Variants in PFKL observed in about 807,000 individuals in gnomAD.
PFKL encodes phosphofructokinase, liver type.
Under a neutral mutation model 92.1 loss-of-function variants are expected in PFKL, and 74 were observed. The ratio of observed to expected loss-of-function variants is 0.80; its 90% CI spans 0.67 to 0.97. The LOEUF (loss-of-function observed/expected upper bound fraction) is 0.97, where lower values mean the gene tolerates loss of function less well. Among genes scored for constraint, PFKL ranks in the 50% least tolerant of loss-of-function variants. The pLI is 0.00. For synonymous variants in PFKL, 494 were observed against 456.4 expected (o/e 1.08, Z -1.05); for missense variants, 1,028 against 1,116.6 (o/e 0.92, Z 1.13).
intron 18 of PFKL, 47 bp downstream of exon 18, chr21:44,324,964 G>C (rs772323846): frequency 6.5e-7 from 1 of 1,538,334 alleles, no homozygotes; most frequent in Non-Finnish European, 8.9e-7. Context: ...TCCAACTCTC[G>C]GGGCTGGGGT....
chr21:44,319,034 C>T (rs898137565), intron 10 of PFKL, among the ~76,000 whole-genome samples: 6 of 150,348 alleles, frequency 4.0e-5, no homozygotes, highest in South Asian at 4.3e-4. Flanking sequence ...GCGAGGGGGC[C>T]GGGTGTGGGG....
rs763170911 is a variant in PFKL at position 44,318,472 on chromosome 21, C to T, written c.939C>T (p.Ser313=). The T allele has an allele frequency of 5.2e-6, 8 of 1,542,006 alleles. No homozygotes were observed. In the Admixed American group the frequency reaches 5.5e-5, roughly 11 times the overall value. The stretch of plus-strand genomic sequence containing the variant: ...CCAGCCTGAACCCTTCCCCACAGAG[C>T]AGCAAGATGGGCATGGAGGCGGTGA... ...GTPSAFDRIL[S]SKMGMEAVMA... is the part of the protein sequence containing the mutation. The change falls in exon 10 of 22, where the codon AGC becomes AGT. Residue 313 remains serine, a splice_region_variant and synonymous_variant. Coordinates refer to ENST00000349048, the MANE Select transcript of PFKL (RefSeq NM_002626.6).
Position 44,323,864 on chromosome 21 carries a change from C to T in PFKL, c.1596C>T (p.Val532=), listed in dbSNP as rs759238111. The T allele has an allele frequency of 3.7e-6, 6 of 1,613,478 alleles. No homozygotes were observed. In the East Asian group the frequency reaches 8.9e-5, roughly 24 times the overall value. The change falls in exon 16 of 22, where the codon GTC becomes GTT. Residue 532 remains valine (V), a synonymous_variant. Transcript: ENST00000349048. ...CVIPATISNN[V]PGTDFSLGSD... is the part of the protein sequence containing the mutation. ...TCCCAGCCACCATCAGCAACAACGTCCCTGGCACCGACTTCAGCCTGGGCT... is the reference window on the plus strand; with the variant it reads ...TCCCAGCCACCATCAGCAACAACGTTCCTGGCACCGACTTCAGCCTGGGCT...
chr21:44,319,008 T>C (rs2145994820), intron 10 of PFKL, among the ~76,000 whole-genome samples: 1 of 149,702 alleles, frequency 6.7e-6, no homozygotes, highest in African/African-American at 2.5e-5. Context: ...GGAGAGGAGG[T>C]ACGGGGAAGG....
At chr21:44,312,393 G>GTC (rs2047073479) in intron 4 of PFKL, 99 bp downstream of exon 4, 1 of 1,169,054 alleles carries the variant, frequency 8.6e-7, no homozygotes, top group Admixed American at 3.4e-5. Context: ...GGATCCCTGG[G>GTC]TGCCCCGAGG....
chr21:44,326,684 C>T (rs979033235), intron 21 of PFKL, 31 bp from the exon 22 acceptor site: 6 of 1,607,132 alleles, frequency 3.7e-6, no homozygotes, highest in South Asian at 1.1e-5. Flanking sequence ...CCCCTGACTC[C>T]CCATCATCCT....
At chr21:44,306,993 G>A (rs537635258) in intron 2 of PFKL, among the ~76,000 whole-genome samples, 2 of 152,192 alleles carry the variant, frequency 1.3e-5, no homozygotes, top group East Asian at 1.9e-4. Context: ...TGCAGAGCAC[G>A]GGCCTGGGGG....
Position 44,324,925 on chromosome 21 carries a change from T to C in PFKL, c.1877+8T>C. On this transcript the variant is annotated splice_region_variant and intron_variant, in intron 18 of 21. Coordinates refer to ENST00000349048, the MANE Select transcript of PFKL (RefSeq NM_002626.6). ...GAGGGGCCTGGTGCTGCGGTGAGGC[T>C]GCCGTGGGTCCCTGGCCACAGCTGC... 1 of 1,600,332 alleles carries C rather than the reference T, an allele frequency of 6.2e-7. No individual in the cohort carries two copies. Among genetic ancestry groups the C allele is most frequent in the Non-Finnish European group, 8.5e-7 (1 of 1,173,662 alleles).
At chr21:44,317,669 CCT>C (rs1311245951) in intron 9 of PFKL, among the ~76,000 whole-genome samples, 11 of 152,208 alleles carry the variant, frequency 7.2e-5, no homozygotes, top group African/African-American at 2.7e-4. Flanking sequence ...TCTTGTGCTC[CCT>C]GAGCCCGTAT....
At chr21:44,324,415 T>C in intron 16 of PFKL, 76 bp from the exon 17 acceptor site, 2 of 1,509,248 alleles carry the variant, frequency 1.3e-6, no homozygotes, top group Non-Finnish European at 1.8e-6. Context: ...CAGGGCTCCC[T>C]GCAGGGTAGC....
At chr21:44,317,588 C>G (rs2047241507) in intron 9 of PFKL, among the ~76,000 whole-genome samples, 1 of 152,170 alleles carries the variant, frequency 6.6e-6, no homozygotes, top group Non-Finnish European at 1.5e-5. Flanking sequence ...GTCTTGGATG[C>G]CTGATGCCGG....
chr21:44,325,815 C>A (rs2047490365), intron 19 of PFKL, 146 bp from the exon 20 acceptor site: 1 of 621,340 alleles, frequency 1.6e-6, no homozygotes, highest in Admixed American at 2.9e-5. Flanking sequence ...CGATCGGGAA[C>A]AGACGGGAAC....
At chr21:44,324,984 G>C in intron 18 of PFKL, 67 bp downstream of exon 18, 1 of 1,471,008 alleles carries the variant, frequency 6.8e-7, no homozygotes, top group East Asian at 2.4e-5. Flanking sequence ...TGGGGCTGCT[G>C]AGGAGCGGCT....
chr21:44,301,838 G>C (rs2040782177), intron 1 of PFKL, among the ~76,000 whole-genome samples: 1 of 152,202 alleles, frequency 6.6e-6, no homozygotes, highest in Admixed American at 6.5e-5. Context: ...GGAGGGTTGG[G>C]AAAGTTGAGA....
chr21:44,316,313 C>G lies in PFKL; in HGVS notation c.817C>G (p.Pro273Ala). 1 of 1,613,296 alleles carries G rather than the reference C, an allele frequency of 6.2e-7. No homozygotes were observed. Among genetic ancestry groups the G allele is most frequent in the South Asian group, 1.1e-5 (1 of 91,088 alleles). The change falls in exon 8 of 22, where the codon CCC (proline) becomes GCC (alanine). Residue 273 changes from proline to alanine, a missense_variant. Coordinates refer to ENST00000349048, the MANE Select transcript of PFKL (RefSeq NM_002626.6). ...GGGTGCCATTGACCGCAACGGGAAG[C>G]CCATCTCGTCCAGCTACGTGAAGGA... The part of the protein sequence containing the change: ...AEGAIDRNGK[P>A]ISSSYVKDLV...
At chr21:44,303,195 G>C (rs1196369147) in intron 1 of PFKL, among the ~76,000 whole-genome samples, 2 of 151,060 alleles carry the variant, frequency 1.3e-5, no homozygotes, top group Admixed American at 6.6e-5. Context: ...ATCGAGCCAC[G>C]GCACTCTAGC....
chr21:44,323,758 T>G lies in PFKL; in HGVS notation c.1498-8T>G. 6.2e-7 allele frequency: 1 copy of G among 1,610,268 alleles called. No homozygotes were observed. Among genetic ancestry groups the G allele is most frequent in the Non-Finnish European group, 8.5e-7 (1 of 1,178,858 alleles). On this transcript the variant is annotated splice_region_variant and splice_polypyrimidine_tract_variant and intron_variant, in intron 15 of 21. Transcript: ENST00000349048. ...TGCCCTTGACCTGCCCCGTCCCTAC[T>G]GCTGCAGGCCTATGAAGGGGTGCTG...
intron 8 of PFKL, 40 bp from the exon 9 acceptor site, chr21:44,316,392 G>T (rs1242032396): frequency 6.2e-7 from 1 of 1,611,952 alleles, no homozygotes; most frequent in South Asian, 1.1e-5. Context: ...TAGGCCGTGT[G>T]GGCTGGGGCT....
intron 2 of PFKL, among the ~76,000 whole-genome samples, chr21:44,308,759 A>G (rs1474666586): frequency 6.6e-6 from 1 of 151,870 alleles, no homozygotes; most frequent in Non-Finnish European, 1.5e-5. Flanking sequence ...ACGGGGTTTC[A>G]CCATGTTGGC....
Sources: allele counts gnomAD v4.1 joint callset (sites outside exome capture counted in the v4.1 genomes callset), GRCh38; gene constraint gnomAD v4.1.1; transcripts MANE v1.5; gene names NCBI Gene and HGNC (gene_info 2026-07-23, HGNC 2026-07-21).